The following LAMA4 variants were observed in gnomAD, a reference collection of about 807,000 sequenced individuals.
The protein encoded by LAMA4 is laminin subunit alpha 4, also known as laminin subunit alpha-4.
LAMA4 carries 127 observed loss-of-function variants against 207.1 expected under a neutral mutation model. The ratio of observed to expected loss-of-function variants is 0.61; its 90% CI spans 0.53 to 0.71. The LOEUF is 0.71. Ranked by LOEUF, LAMA4 falls within the 30% of genes least tolerant of loss-of-function variation. The probability of loss-of-function intolerance (pLI) is 0.00; values close to 1 mark genes in which losing one functional copy is unlikely to be tolerated. For missense variants in LAMA4, 2,093 were observed against 2,246.5 expected (o/e 0.93, Z 1.38); for synonymous variants, 761 against 816.0 (o/e 0.93, Z 1.15).
chr6:112,122,421 C>G (rs1225951077), intron 31 of LAMA4, among the ~76,000 whole-genome samples: 1 of 152,100 alleles, frequency 6.6e-6, no homozygotes, highest in Non-Finnish European at 1.5e-5. Flanking sequence ...GTTAACTAAC[C>G]CCAAATTCTT....
chr6:112,174,826 A>T (rs1057053174), intron 11 of LAMA4, among the ~76,000 whole-genome samples: 2 of 152,234 alleles, frequency 1.3e-5, no homozygotes, highest in African/African-American at 4.8e-5. Context: ...TAACTGATAC[A>T]GTGATCAAGT....
intron 8 of LAMA4, 30 bp downstream of exon 8, chr6:112,187,420 C>T (rs1782750291): frequency 6.2e-7 from 1 of 1,613,736 alleles, no homozygotes; most frequent in Non-Finnish European, 8.5e-7. Flanking sequence ...AGGATGAAAA[C>T]AGAGTGGAAA....
intron 4 of LAMA4, among the ~76,000 whole-genome samples, chr6:112,204,487 A>C (rs1404662720): frequency 6.6e-5 from 10 of 150,918 alleles, no homozygotes; most frequent in African/African-American, 9.8e-5. Flanking sequence ...AAAAAAAAAA[A>C]CAAACACTGC....
chr6:112,123,488 G>T (rs1437907593), intron 31 of LAMA4, among the ~76,000 whole-genome samples: 3 of 152,110 alleles, frequency 2.0e-5, no homozygotes, highest in Admixed American at 6.5e-5. Flanking sequence ...GGAATTTCTG[G>T]AAGATATAAA....
chr6:112,147,326 G>C (rs962696150), intron 18 of LAMA4, among the ~76,000 whole-genome samples: 1 of 152,090 alleles, frequency 6.6e-6, no homozygotes, highest in Non-Finnish European at 1.5e-5. Context: ...CATTATAAAA[G>C]AGCTATTTTA....
At chr6:112,161,301 C>T (rs537204659) in intron 13 of LAMA4, among the ~76,000 whole-genome samples, 3 of 152,174 alleles carry the variant, frequency 2.0e-5, no homozygotes, top group Non-Finnish European at 4.4e-5. Flanking sequence ...TCACATCATA[C>T]AATCCTAGGA....
At chr6:112,152,925 C>T (rs1400280643) in intron 16 of LAMA4, among the ~76,000 whole-genome samples, 1 of 151,928 alleles carries the variant, frequency 6.6e-6, no homozygotes, top group Non-Finnish European at 1.5e-5. Context: ...AAAAATACTA[C>T]CTGATATACT....
At chr6:112,172,547 C>G (rs1781776509) in intron 12 of LAMA4, 64 bp downstream of exon 12, 15 of 1,461,936 alleles carry the variant, frequency 1.0e-5, no homozygotes, top group African/African-American at 1.4e-5. Context: ...TATCAACAGC[C>G]CCTTCTTGGT....
chr6:112,193,624 C>G (rs2237239), intron 5 of LAMA4, among the ~76,000 whole-genome samples: 23,117 of 151,940 alleles, frequency 0.15, 1,952 homozygotes, highest in East Asian at 0.29. Context: ...TTACCTGCAT[C>G]GAACCTCATA....
rs3734285 is a variant in LAMA4, at chr6:112,177,990, T to G, written c.1189+131A>C. On this transcript the variant is annotated intron_variant, in intron 10 of 38. Transcript: ENST00000230538. ...TTGAAATGAAGACCTTATACAAGTT[T>G]AAACCTATAATACTGTACCAACAAG... 4.9e-4 allele frequency: 353 copies of G among 716,052 alleles called. 1 individual carries two copies. The East Asian group carries it at 9.2e-3, about 19-fold the overall frequency. The allele number at this position is 716,052 out of a possible 1,614,324, so 44.4% of individuals were successfully genotyped here. A position where few individuals can be genotyped will look rare whatever the true frequency, so the allele number is the denominator to read the frequency against.
intron 2 of LAMA4, 155 bp downstream of exon 2, chr6:112,253,801 C>T (rs1554190363): frequency 2.5e-6 from 4 of 1,614,230 alleles, no homozygotes; most frequent in Admixed American, 1.7e-5. Context: ...CAAAGGAAAA[C>T]TCTTTATTTC....
chr6:112,253,117 G>C (rs933006634), intron 2 of LAMA4, among the ~76,000 whole-genome samples: 5 of 152,216 alleles, frequency 3.3e-5, no homozygotes, highest in Non-Finnish European at 7.3e-5. Flanking sequence ...TGTGGTGTTT[G>C]TTTTGCTAGG....
chr6:112,186,424 T>A (rs1782687239), intron 8 of LAMA4, among the ~76,000 whole-genome samples: 1 of 152,246 alleles, frequency 6.6e-6, no homozygotes. Context: ...CCATTTTCCC[T>A]CAGCTAATGA....
rs1554347752 is a variant in LAMA4, at chr6:112,189,222, C to A, written c.719-17G>T. The A allele has an allele frequency of 6.3e-7, 1 of 1,584,064 alleles. No individual in the cohort carries two copies. The highest frequency in any genetic ancestry group is 1.3e-5 in the African/African-American group (1 of 74,288). ...AGTTGCACACTGTGGGAAACAAAAA[C>A]AAGAGACGAGAAATGCACTTCTTAA... is the stretch of plus-strand genomic sequence containing the variant. On this transcript the variant is annotated splice_polypyrimidine_tract_variant and intron_variant, in intron 6 of 38. Coordinates refer to ENST00000230538, the MANE Select transcript of LAMA4 (RefSeq NM_001105206.3).
At chr6:112,216,916 C>T (rs1398176539) in intron 2 of LAMA4, among the ~76,000 whole-genome samples, 3 of 152,188 alleles carry the variant, frequency 2.0e-5, no homozygotes, top group Non-Finnish European at 4.4e-5. Flanking sequence ...TATAGGAGAG[C>T]AACTTAGCTA....
rs1778112309 is a variant in LAMA4, at chr6:112,117,821, C to T, written c.4899G>A (p.Gln1633=). 1 of 1,613,746 alleles carries T rather than the reference C, an allele frequency of 6.2e-7. No individual in the cohort carries two copies. Residue 1633 remains glutamine, a synonymous_variant, in exon 35 of 39, where the codon CAG becomes CAA. Transcript: ENST00000230538. This position sits in a 1 kb window ranked among gnomAD's most constrained non-coding sequence, Gnocchi z 4.5. The stretch of plus-strand genomic sequence containing the variant: ...CAAAGCAAGGGGTCACACTGAATGT[C>T]TGAGAAGCAGAGGTGATGGAGGCCC... The part of the protein sequence containing the change: ...LNGASITSAS[Q]TFSVTPCFEG...
intron 2 of LAMA4, among the ~76,000 whole-genome samples, chr6:112,225,965 G>T (rs1381675767): frequency 6.6e-6 from 1 of 152,094 alleles, no homozygotes; most frequent in Non-Finnish European, 1.5e-5. Flanking sequence ...ATGCCCTTGC[G>T]TCCTCCTGGG....
chr6:112,210,189 C>G lies in LAMA4; in HGVS notation c.298-3044G>C, dbSNP rs188806748. ...ATGCCTCTTTTCTTTATAAATTACC[C>G]ATTCTCAGGTACGTCTTTTTTTTTT... On this transcript the variant is annotated intron_variant, in intron 3 of 38. Coordinates refer to ENST00000230538, the MANE Select transcript of LAMA4 (RefSeq NM_001105206.3). Among the ~76,000 whole-genome samples, 261 of 151,620 alleles carry G rather than the reference C, an allele frequency of 1.7e-3. 2 individuals are homozygous for G. The South Asian group carries it at 0.02, about 12-fold the overall frequency.
At chr6:112,217,968 A>G (rs782158210) in intron 2 of LAMA4, 3 of 152,222 alleles carry the variant, frequency 2.0e-5, no homozygotes, top group Non-Finnish European at 2.9e-5. Flanking sequence ...TGGTATCTAT[A>G]TCTATATTGG....
Sources: gnomAD v4.1 joint callset for allele counts (sites outside exome capture counted in the v4.1 genomes callset) on GRCh38, gnomAD v4.1.1 for gene constraint, Gnocchi (gnomAD v3.1) non-coding constraint, MANE v1.5 for transcripts, NCBI Gene and HGNC (gene_info 2026-07-23, HGNC 2026-07-21) for gene names.